The following CTIF variants were observed in gnomAD, a reference collection of about 807,000 sequenced individuals.
CTIF encodes CBP80/20-dependent translation initiation factor.
A neutral mutation model predicts 66.0 loss-of-function variants in CTIF; 21 were observed. The observed-to-expected ratio is 0.32, with a 90% CI of 0.23 to 0.46. The LOEUF (loss-of-function observed/expected upper bound fraction) is 0.46. Ranked by LOEUF, CTIF falls within the 20% of genes least tolerant of loss-of-function variation. The probability of loss-of-function intolerance (pLI) is 1.00; values close to 1 mark genes in which losing one functional copy is unlikely to be tolerated. For missense variants in CTIF, 739 were observed against 812.7 expected (o/e 0.91, Z 1.10); for synonymous variants, 345 against 326.4 (o/e 1.06, Z -0.62).
intron 1 of CTIF, among the ~76,000 whole-genome samples, chr18:48,574,314 C>T (rs765034985): frequency 1.3e-5 from 2 of 152,142 alleles, no homozygotes; most frequent in Admixed American, 6.5e-5. Context: ...AAATTTGCTC[C>T]CTCTCCCCCA....
chr18:48,541,845 C>T (rs761504297), intron 1 of CTIF, among the ~76,000 whole-genome samples: 27 of 151,866 alleles, frequency 1.8e-4, no homozygotes, highest in Non-Finnish European at 3.2e-4. Flanking sequence ...CCTCCCCCCT[C>T]CCCCGCCAGA....
chr18:48,778,001 C>A (rs1910850292), intron 9 of CTIF, among the ~76,000 whole-genome samples: 1 of 152,252 alleles, frequency 6.6e-6, no homozygotes, highest in African/African-American at 2.4e-5. Flanking sequence ...ACTGTTTCAA[C>A]ACCGCCAATT....
intron 5 of CTIF, among the ~76,000 whole-genome samples, chr18:48,669,790 CATTTATATATATATATAT>C (rs1488857314): frequency 0.02 from 717 of 35,966 alleles, 105 homozygotes; most frequent in South Asian, 0.048. Flanking sequence ...ACAAGCTAAA[CATTTATATATATATATAT>C]ATATATATAT....
intron 6 of CTIF, among the ~76,000 whole-genome samples, chr18:48,709,410 G>T (rs2092198428): frequency 1.3e-5 from 2 of 152,266 alleles, no homozygotes; most frequent in East Asian, 1.9e-4. Flanking sequence ...GCTCCCCATG[G>T]CTGCTGCCTG....
At chr18:48,641,386 G>C (rs867407929) in intron 3 of CTIF, among the ~76,000 whole-genome samples, 4 of 152,232 alleles carry the variant, frequency 2.6e-5, no homozygotes, top group Admixed American at 1.3e-4. Context: ...GGCCCACCGT[G>C]TTGGCTGTTA....
intron 6 of CTIF, among the ~76,000 whole-genome samples, chr18:48,693,163 C>A (rs1490414034): frequency 2.0e-5 from 3 of 152,164 alleles, no homozygotes; most frequent in African/African-American, 7.2e-5. Flanking sequence ...TCTTGGCAGA[C>A]CATGGTGAAA....
chr18:48,666,382 T>C (rs1189351369), intron 5 of CTIF, among the ~76,000 whole-genome samples: 1 of 152,206 alleles, frequency 6.6e-6, no homozygotes, highest in Non-Finnish European at 1.5e-5. Context: ...ATTCCTACTT[T>C]AGAGATGAGG....
intron 10 of CTIF, among the ~76,000 whole-genome samples, chr18:48,832,416 G>A (rs74450593): frequency 0.048 from 7,291 of 152,152 alleles, 405 homozygotes; most frequent in East Asian, 0.3. Flanking sequence ...AAGCAATCCC[G>A]CCTCAGCCTC....
At chr18:48,773,305 C>T (rs148604756) in intron 9 of CTIF, among the ~76,000 whole-genome samples, 6 of 152,366 alleles carry the variant, frequency 3.9e-5, no homozygotes, top group Non-Finnish European at 7.3e-5. Flanking sequence ...CATCAGAGAA[C>T]CAGGGGTTCT....
chr18:48,737,092 C>T (rs2092509839), intron 7 of CTIF, among the ~76,000 whole-genome samples: 1 of 152,100 alleles, frequency 6.6e-6, no homozygotes, highest in Non-Finnish European at 1.5e-5. Flanking sequence ...AGTGATGGCC[C>T]CTGCATGATG....
In CTIF at chr18:48,620,730, C is replaced by T. The variant is rs574121438; in HGVS notation, c.180+985C>T. ...CCGCCTCTCGTGCGTGTTATCCCAT[C>T]TCCAAGCCTGGGACTCCTGGGACAA... On this transcript the variant is annotated intron_variant, in intron 2 of 11. Transcript: ENST00000256413. Among the ~76,000 whole-genome samples the T allele has an allele frequency of 3.3e-5, 5 of 152,362 alleles. No homozygotes were observed. The East Asian group carries it at 7.7e-4, about 23-fold the overall frequency.
At chr18:48,736,947 A>G (rs1291346058) in intron 7 of CTIF, among the ~76,000 whole-genome samples, 1 of 152,080 alleles carries the variant, frequency 6.6e-6, no homozygotes, top group African/African-American at 2.4e-5. Flanking sequence ...CTAGAACTGC[A>G]TCTGCTCAAA....
chr18:48,747,769 T>A (rs1251465966), intron 7 of CTIF, among the ~76,000 whole-genome samples: 1 of 148,648 alleles, frequency 6.7e-6, no homozygotes, highest in Non-Finnish European at 1.5e-5. Context: ...AAAAAAAAAA[T>A]TAGCCAGTCA....
In CTIF at chr18:48,761,483, G is replaced by A. The variant is rs751006365; in HGVS notation, c.1165G>A (p.Val389Met). 9 of 1,614,062 alleles carry A rather than the reference G, an allele frequency of 5.6e-6. No homozygotes were observed. Among genetic ancestry groups the A allele is most frequent in the Admixed American group, 1.7e-5 (1 of 60,012 alleles). The change falls in exon 9 of 12, where the codon GTG (valine) becomes ATG (methionine). Residue 389 changes from valine (V) to methionine (M), a missense_variant. Coordinates refer to ENST00000256413, the MANE Select transcript of CTIF (RefSeq NM_014772.3). This position sits in a 1 kb window ranked among gnomAD's most constrained non-coding sequence, Gnocchi z 4.2. ...LNSMRNNSSD[V>M]DTKLTTFMEE... ...CAGCATGCGGAACAACAGCAGCGAC[G>A]TGGACACCAAGCTCACCACCTTCAT...
chr18:48,731,227 C>T (rs1474673528), intron 7 of CTIF, among the ~76,000 whole-genome samples: 1 of 152,252 alleles, frequency 6.6e-6, no homozygotes, highest in East Asian at 1.9e-4. Context: ...TCCTGCAGCA[C>T]CTTCTCTCAA....
intron 7 of CTIF, among the ~76,000 whole-genome samples, chr18:48,741,391 G>GGCCCAC (rs2092552904): frequency 6.8e-6 from 1 of 146,822 alleles, no homozygotes; most frequent in Admixed American, 6.9e-5. Flanking sequence ...GCACTGACCT[G>GGCCCAC]GCCCACTCCA....
At chr18:48,612,300 G>A (rs2090321666) in intron 1 of CTIF, among the ~76,000 whole-genome samples, 1 of 152,178 alleles carries the variant, frequency 6.6e-6, no homozygotes, top group South Asian at 2.1e-4. Flanking sequence ...GGAGAGCCTG[G>A]GCACCCTGGC....
At chr18:48,641,332 C>T (rs1429453632) in intron 3 of CTIF, among the ~76,000 whole-genome samples, 2 of 152,228 alleles carry the variant, frequency 1.3e-5, no homozygotes. Flanking sequence ...AGCACAGCCT[C>T]TGATTAGACT....
At chr18:48,843,131 A>G (rs1412673605) in intron 10 of CTIF, among the ~76,000 whole-genome samples, 3 of 150,884 alleles carry the variant, frequency 2.0e-5, no homozygotes, top group Non-Finnish European at 2.9e-5. Context: ...TGCCCAAACT[A>G]TCCCCTGTCT....
Sources: allele counts gnomAD v4.1 joint callset (sites outside exome capture counted in the v4.1 genomes callset), GRCh38; gene constraint gnomAD v4.1.1; non-coding constraint Gnocchi (gnomAD v3.1); transcripts MANE v1.5; gene names NCBI Gene and HGNC (gene_info 2026-07-23, HGNC 2026-07-21).